Variants in RHPN2 observed in about 807,000 individuals in gnomAD.
The protein encoded by RHPN2 is rhophilin Rho GTPase binding protein 2.
RHPN2 carries 40 observed loss-of-function variants against 79.0 expected under a neutral mutation model. The observed-to-expected ratio is 0.51, with a 90% confidence interval of 0.39 to 0.66. The LOEUF is 0.66. Ranked by LOEUF, RHPN2 falls within the 30% of genes least tolerant of loss-of-function variation. RHPN2 has a pLI of 0.00. For synonymous variants in RHPN2, 285 were observed against 363.5 expected, an observed-to-expected ratio of 0.78 and a Z score of 2.46; for missense variants, 686 against 883.5, an observed-to-expected ratio of 0.78 and a Z score of 2.83.
rs376590444 is a variant in RHPN2, at chr19:33,022,034, G to A, written c.315-388C>T. 1.8e-4 allele frequency among the ~76,000 whole-genome samples: 28 copies of A among 152,056 alleles called. 1 individual carries two copies. The highest frequency in any genetic ancestry group is 5.5e-4 in the African/African-American group (23 of 41,498). On this transcript the variant is annotated intron_variant, in intron 3 of 14. Coordinates refer to ENST00000254260, the MANE Select transcript of RHPN2 (RefSeq NM_033103.5). ...CAGCTCACTGTAGCCTCTGCCTCTC[G>A]GGTTCAAGCAATTCTCCTGCCTCAG...
chr19:33,011,147 C>T (rs1407342413), intron 6 of RHPN2, among the ~76,000 whole-genome samples: 3 of 152,090 alleles, frequency 2.0e-5, no homozygotes, highest in Non-Finnish European at 2.9e-5. Flanking sequence ...TAGCTCATGC[C>T]TATAGTCCCA....
At chr19:32,994,218 A>G (rs1279901917) in intron 11 of RHPN2, among the ~76,000 whole-genome samples, 165 bp from the exon 12 acceptor site, 1 of 152,098 alleles carries the variant, frequency 6.6e-6, no homozygotes, top group African/African-American at 2.4e-5. Flanking sequence ...CAGCATGGTG[A>G]AACCCCATCT....
rs748050734 is a variant in RHPN2, at chr19:32,996,202, C to T, written c.1244G>A (p.Arg415Lys). 6.2e-7 allele frequency: 1 copy of T among 1,614,160 alleles called. No individual in the cohort carries two copies. Among genetic ancestry groups the T allele is most frequent in the Non-Finnish European group, 8.5e-7 (1 of 1,180,038 alleles). The change falls in exon 11 of 15, where the codon AGA (arginine) becomes AAA (lysine). Residue 415 changes from arginine to lysine, a missense_variant. By Grantham distance (26) the Arg-to-Lys change is conservative. Coordinates refer to ENST00000254260, the MANE Select transcript of RHPN2 (RefSeq NM_033103.5). Reference protein sequence around the residue: ...RRQLGKSHLRRAMAHHEESVR... With the variant: ...RRQLGKSHLRKAMAHHEESVR... ...CGACTCCTCGTGATGAGCCATGGCT[C>T]TGCGCAAGTGGGACTTCCCTGCAGA...
Position 33,008,107 on chromosome 19 carries a change from TG to T in RHPN2, c.666del (p.Asn222LysfsTer25). Reference protein sequence around the residue: ...LLLEKASVLFNTGALYTQIGT... With the variant: ...LLLEKASVLFXTGALYTQIGT... Reference sequence around the variant, plus strand: ...CCAATCTGGGTGTAGAGGGCCCCAGTGTTGAACAGGACACTGGCCTTCTCCA... The same window carrying T: ...CCAATCTGGGTGTAGAGGGCCCCAGTTTGAACAGGACACTGGCCTTCTCCA... On this transcript the variant is annotated frameshift_variant, in exon 7 of 15. Coordinates refer to ENST00000254260, the MANE Select transcript of RHPN2 (RefSeq NM_033103.5). LOFTEE classifies it high-confidence loss of function. 1.2e-6 allele frequency: 2 copies of T among 1,614,064 alleles called. No individual in the cohort carries two copies. Among genetic ancestry groups the T allele is most frequent in the Non-Finnish European group, 1.7e-6 (2 of 1,180,014 alleles).
At chr19:33,000,335 C>T (rs1234976679) in intron 9 of RHPN2, among the ~76,000 whole-genome samples, 16 of 151,922 alleles carry the variant, frequency 1.1e-4, no homozygotes, top group Non-Finnish European at 5.9e-5. Flanking sequence ...ATTCTCCTGC[C>T]TCAGCCTCCC....
At chr19:32,989,138 C>G (rs1024291528) in intron 14 of RHPN2, among the ~76,000 whole-genome samples, 1 of 152,164 alleles carries the variant, frequency 6.6e-6, no homozygotes, top group Admixed American at 6.6e-5. Flanking sequence ...CAGACAGAGT[C>G]TCACTCTGTT....
chr19:33,033,596 C>T (rs1021621252), intron 2 of RHPN2, among the ~76,000 whole-genome samples: 1 of 151,228 alleles, frequency 6.6e-6, no homozygotes, highest in Non-Finnish European at 1.5e-5. Context: ...AGGCCGGGCA[C>T]AGTGGCTCAC....
Position 32,996,180 on chromosome 19 carries a change from C to T in RHPN2, c.1266G>A (p.Glu422=). ...HLRRAMAHHE[E]SVREASLCKK... ...TGCAGAGGCTGGCCTCCCGCACCGA[C>T]TCCTCGTGATGAGCCATGGCTCTGC... Residue 422 remains glutamate, a synonymous_variant, in exon 11 of 15, where the codon GAG becomes GAA. Coordinates refer to ENST00000254260, the MANE Select transcript of RHPN2 (RefSeq NM_033103.5). 6.2e-7 allele frequency: 1 copy of T among 1,614,192 alleles called. No homozygotes were observed. The highest frequency in any genetic ancestry group is 8.5e-7 in the Non-Finnish European group (1 of 1,180,042).
At chr19:33,061,041 C>T (rs1475374208) in intron 1 of RHPN2, among the ~76,000 whole-genome samples, 1 of 152,076 alleles carries the variant, frequency 6.6e-6, no homozygotes, top group Non-Finnish European at 1.5e-5. Context: ...GCTTTAAATA[C>T]TTTGATGGAT....
chr19:33,012,640 AACTT>A lies in RHPN2; in HGVS notation c.468+3_468+6del. On this transcript the variant is annotated splice_donor_5th_base_variant and intron_variant, in intron 5 of 14. Coordinates refer to ENST00000254260, the MANE Select transcript of RHPN2 (RefSeq NM_033103.5). ...CCCTCCCCTCTCTGCTGCACACAAA[AACTT>A]ACTTGTCTCAGATCCATAAGATCTG... The A allele has an allele frequency of 1.9e-6, 3 of 1,586,704 alleles. No individual in the cohort carries two copies. Among genetic ancestry groups the A allele is most frequent in the Non-Finnish European group, 1.7e-6 (2 of 1,155,146 alleles).
At chr19:33,037,535 A>T (rs1363326981) in intron 2 of RHPN2, among the ~76,000 whole-genome samples, 1 of 152,114 alleles carries the variant, frequency 6.6e-6, no homozygotes, top group Non-Finnish European at 1.5e-5. Context: ...TGCCTTTATG[A>T]GCTGTAACAC....
chr19:32,990,442 C>A (rs565927449), intron 14 of RHPN2, 72 bp downstream of exon 14: 4 of 1,539,488 alleles, frequency 2.6e-6, no homozygotes, highest in Non-Finnish European at 3.6e-6. Context: ...CTGGTAAACA[C>A]CTCTGGGGCT....
chr19:32,986,060 A>G (rs1971611040), intron 14 of RHPN2, among the ~76,000 whole-genome samples: 1 of 152,194 alleles, frequency 6.6e-6, no homozygotes, highest in Non-Finnish European at 1.5e-5. Flanking sequence ...GCCCTCTTGT[A>G]AGGGCTTTAT....
chr19:33,044,122 G>T, intron 2 of RHPN2, 127 bp downstream of exon 2: 1 of 620,172 alleles, frequency 1.6e-6, no homozygotes, highest in Non-Finnish European at 3.1e-6. Flanking sequence ...CTATAGGCAA[G>T]AAAGGGACGA....
At chr19:33,018,341 G>T (rs1310604222) in intron 4 of RHPN2, among the ~76,000 whole-genome samples, 1 of 151,712 alleles carries the variant, frequency 6.6e-6, no homozygotes, top group African/African-American at 2.4e-5. Flanking sequence ...AAAAAAAAGA[G>T]AGAGAGAGAG....
intron 1 of RHPN2, among the ~76,000 whole-genome samples, chr19:33,061,366 C>G (rs371136672): frequency 6.6e-6 from 1 of 151,802 alleles, no homozygotes; most frequent in South Asian, 2.1e-4. Flanking sequence ...CCACCACGCC[C>G]GGCTAATTTT....
chr19:33,064,644 G>T (rs532190777), intron 1 of RHPN2, 140 bp downstream of exon 1: 66 of 733,682 alleles, frequency 9.0e-5, no homozygotes, highest in Admixed American at 4.8e-4. Flanking sequence ...GCCTCCGTCC[G>T]GCCAGCGCCG....
At chr19:33,009,700 C>G (rs1037494347) in intron 6 of RHPN2, among the ~76,000 whole-genome samples, 2 of 152,168 alleles carry the variant, frequency 1.3e-5, no homozygotes, top group African/African-American at 4.8e-5. Context: ...AGCGATCCAC[C>G]CACCTTGGCC....
intron 1 of RHPN2, among the ~76,000 whole-genome samples, chr19:33,048,855 T>C (rs922102604): frequency 2.6e-5 from 4 of 152,066 alleles, no homozygotes; most frequent in Non-Finnish European, 5.9e-5. Flanking sequence ...CTGAATTACC[T>C]GGATCACCAC....
Sources: gnomAD v4.1 joint callset for allele counts (sites outside exome capture counted in the v4.1 genomes callset) on GRCh38, gnomAD v4.1.1 for gene constraint, MANE v1.5 for transcripts, NCBI Gene and HGNC (gene_info 2026-07-23, HGNC 2026-07-21) for gene names.